The following PLXNA4 variants were observed in gnomAD, a reference collection of about 807,000 sequenced individuals.
PLXNA4 encodes the protein plexin-A4.
A neutral mutation model predicts 191.8 loss-of-function variants in PLXNA4; 44 were observed. That is an observed-to-expected ratio of 0.23 (90% confidence interval 0.18 to 0.29). The LOEUF is 0.29. Ranked by LOEUF, PLXNA4 falls within the 10% of genes least tolerant of loss-of-function variation. PLXNA4 has a pLI of 1.00. For missense variants in PLXNA4, 1,800 were observed against 2,488.8 expected (o/e 0.72, Z 5.89); for synonymous variants, 1,082 against 1,009.5 (o/e 1.07, Z -1.36).
At position 132,561,888 on chromosome 7, in the gene PLXNA4, GCCTTCT is replaced by G. The variant is rs769423064; in HGVS notation, c.-87+14528_-87+14533del. ...CTCTTTCTCCTCCTCCTTCTCCTCT[GCCTTCT>G]CCTTCTCCTTCTCCTCCTTATCCTC... On this transcript the variant is annotated intron_variant, in intron 1 of 31. Coordinates refer to ENST00000321063, the MANE Select transcript of PLXNA4 (RefSeq NM_020911.2). Among the ~76,000 whole-genome samples, 105 of 52,898 alleles carry G rather than the reference GCCTTCT, an allele frequency of 2.0e-3. 1 individual carries two copies. The highest frequency in any genetic ancestry group is 4.3e-3 in the South Asian group (6 of 1,396). The allele number at this position is 52,898 out of a possible 152,430, so 34.7% of individuals were successfully genotyped here.
intron 4 of PLXNA4, among the ~76,000 whole-genome samples, chr7:132,288,368 C>T (rs1471217522): frequency 6.6e-6 from 1 of 152,186 alleles, no homozygotes; most frequent in Admixed American, 6.5e-5. Flanking sequence ...ATGCAGACAT[C>T]CTGCCTTGAT....
chr7:132,227,228 G>A (rs1235487309), intron 7 of PLXNA4, among the ~76,000 whole-genome samples: 1 of 152,166 alleles, frequency 6.6e-6, no homozygotes, highest in Non-Finnish European at 1.5e-5. Flanking sequence ...TGACTCTTGG[G>A]GGCTAACCTG....
At chr7:132,260,828 A>G (rs1799614772) in intron 4 of PLXNA4, among the ~76,000 whole-genome samples, 2 of 152,152 alleles carry the variant, frequency 1.3e-5, no homozygotes, top group African/African-American at 4.8e-5. Flanking sequence ...ACATTTGTCC[A>G]AACCCATAGG....
At chr7:132,433,961 G>A (rs1433790260) in intron 3 of PLXNA4, among the ~76,000 whole-genome samples, 1 of 152,182 alleles carries the variant, frequency 6.6e-6, no homozygotes, top group Non-Finnish European at 1.5e-5. Flanking sequence ...CCAGTCCCTA[G>A]AGATGGATGA....
At chr7:132,157,136 C>T (rs1795822150) in intron 25 of PLXNA4, among the ~76,000 whole-genome samples, 1 of 152,206 alleles carries the variant, frequency 6.6e-6, no homozygotes, top group Non-Finnish European at 1.5e-5. Flanking sequence ...GAGGGATCCT[C>T]TCTGTTTGTT....
At chr7:132,553,614 C>T (rs967364770) in intron 1 of PLXNA4, among the ~76,000 whole-genome samples, 2 of 152,280 alleles carry the variant, frequency 1.3e-5, no homozygotes, top group South Asian at 2.1e-4. Flanking sequence ...CCTCCATTGA[C>T]GTGCTAAAAG....
chr7:132,426,889 G>A (rs1010216890), intron 3 of PLXNA4, among the ~76,000 whole-genome samples: 1 of 152,178 alleles, frequency 6.6e-6, no homozygotes, highest in Non-Finnish European at 1.5e-5. Context: ...GGGAAAAGGT[G>A]ATTTTTAAAA....
At chr7:132,376,226 G>C (rs1437774210) in intron 3 of PLXNA4, among the ~76,000 whole-genome samples, 2 of 152,216 alleles carry the variant, frequency 1.3e-5, no homozygotes, top group Non-Finnish European at 2.9e-5. Context: ...CCGAGGGACT[G>C]TACCAACTTT....
chr7:132,397,375 C>T (rs910527744), intron 3 of PLXNA4, among the ~76,000 whole-genome samples: 1 of 152,096 alleles, frequency 6.6e-6, no homozygotes, highest in Non-Finnish European at 1.5e-5. Flanking sequence ...TACTGAGATG[C>T]GTCTTTGATG....
At chr7:132,645,481 C>A (rs1459437493) in intron 2 of PLXNA4, among the ~76,000 whole-genome samples, 1 of 152,184 alleles carries the variant, frequency 6.6e-6, no homozygotes, top group Non-Finnish European at 1.5e-5. Flanking sequence ...CCATATGGAA[C>A]TGTGAGTCAA....
chr7:132,451,962 C>T (rs1459655486), intron 3 of PLXNA4, among the ~76,000 whole-genome samples: 1 of 152,246 alleles, frequency 6.6e-6, no homozygotes, highest in Non-Finnish European at 1.5e-5. Context: ...CAAAAGGAGG[C>T]TCAAAGTATC....
At chr7:132,512,735 G>A (rs997460521) in intron 1 of PLXNA4, among the ~76,000 whole-genome samples, 1 of 152,140 alleles carries the variant, frequency 6.6e-6, no homozygotes, top group Non-Finnish European at 1.5e-5. Context: ...GCTGTCTAAG[G>A]CTGCTCCAAT....
At chr7:132,200,199 T>A (rs908785535) in intron 12 of PLXNA4, among the ~76,000 whole-genome samples, 1 of 152,174 alleles carries the variant, frequency 6.6e-6, no homozygotes, top group African/African-American at 2.4e-5. Flanking sequence ...CACAGGGAGA[T>A]ATGTTTAATT....
intron 3 of PLXNA4, among the ~76,000 whole-genome samples, chr7:132,434,475 T>C (rs764098125): frequency 2.6e-5 from 4 of 152,220 alleles, no homozygotes; most frequent in Admixed American, 6.5e-5. Context: ...ACTTAGAAGT[T>C]CAGATTCCCT....
intron 3 of PLXNA4, among the ~76,000 whole-genome samples, chr7:132,409,709 C>T (rs939092216): frequency 2.0e-5 from 3 of 152,174 alleles, no homozygotes; most frequent in Admixed American, 6.5e-5. Flanking sequence ...AGAGAAAATA[C>T]GACTTGTTTC....
At chr7:132,618,869 A>C (rs1022334730) in intron 2 of PLXNA4, among the ~76,000 whole-genome samples, 9 of 152,252 alleles carry the variant, frequency 5.9e-5, no homozygotes, top group Non-Finnish European at 1.3e-4. Flanking sequence ...TAAACATAAA[A>C]AGTGATTTCT....
chr7:132,464,650 G>T (rs1796633855), intron 3 of PLXNA4, among the ~76,000 whole-genome samples: 1 of 152,158 alleles, frequency 6.6e-6, no homozygotes, highest in Admixed American at 6.5e-5. Flanking sequence ...CACATGTGAG[G>T]GTAGGTCCCT....
At chr7:132,468,734 GCACACACA>G (rs36218194) in intron 3 of PLXNA4, among the ~76,000 whole-genome samples, 3 of 145,190 alleles carry the variant, frequency 2.1e-5, no homozygotes, top group African/African-American at 5.0e-5. Flanking sequence ...ATATGCACAC[GCACACACA>G]CACACACACA....
At chr7:132,563,329 C>CCTCCTCCTCTTT (rs1801435741) in intron 1 of PLXNA4, among the ~76,000 whole-genome samples, 1 of 118,822 alleles carries the variant, frequency 8.4e-6, no homozygotes, top group African/African-American at 3.5e-5. Flanking sequence ...TCCTTCTCCT[C>CCTCCTCCTCTTT]CTCCTCCTTC....
Sources: gnomAD v4.1 joint callset for allele counts (sites outside exome capture counted in the v4.1 genomes callset) on GRCh38, gnomAD v4.1.1 for gene constraint, MANE v1.5 for transcripts, NCBI Gene and HGNC (gene_info 2026-07-23, HGNC 2026-07-21) for gene names.